Variants in PCDHGA2 observed in about 807,000 individuals in gnomAD.
PCDHGA2 encodes protocadherin gamma-A2.
Under a neutral mutation model 59.2 loss-of-function variants are expected in PCDHGA2, and 40 were observed. That is an observed-to-expected ratio of 0.68 (90% CI 0.52 to 0.88). The LOEUF is 0.88. PCDHGA2 is among the 40% of genes least tolerant of loss of function. The pLI is 0.00. For missense variants in PCDHGA2, 1,226 were observed against 1,204.0 expected (o/e 1.02, Z -0.27); for synonymous variants, 560 against 526.0 (o/e 1.06, Z -0.89).
In PCDHGA2 at chr5:141,393,378, G is replaced by A. The variant is rs1207426335; in HGVS notation, c.2424+51983G>A. On this transcript the variant is annotated intron_variant, in intron 1 of 3. Coordinates refer to ENST00000394576, the MANE Select transcript of PCDHGA2 (RefSeq NM_018915.4). ...GGACGTGCAGACTGGAGACAATGGA[G>A]CCATAAACCCAGAGCTGGTGCTGGA... The A allele has an allele frequency of 1.9e-6, 3 of 1,613,982 alleles. No individual in the cohort carries two copies. The highest frequency in any genetic ancestry group is 2.2e-5 in the East Asian group (1 of 44,866).
intron 1 of PCDHGA2, among the ~76,000 whole-genome samples, chr5:141,446,610 G>A (rs1167777615): frequency 6.6e-6 from 1 of 152,098 alleles, no homozygotes; most frequent in Non-Finnish European, 1.5e-5. Flanking sequence ...CTGAGTAGCT[G>A]GGACTACAGG....
At chr5:141,342,035 A>G (rs940688750) in intron 1 of PCDHGA2, 1 of 152,928 alleles carries the variant, frequency 6.5e-6, no homozygotes, top group Non-Finnish European at 1.5e-5. Context: ...TCTAAGCTAT[A>G]TGCTTCTTGA....
At chr5:141,399,454 G>A in intron 1 of PCDHGA2, 1 of 1,613,992 alleles carries the variant, frequency 6.2e-7, no homozygotes. Flanking sequence ...AGACGTCAAC[G>A]ATAACGCTCC....
chr5:141,399,605 A>G, intron 1 of PCDHGA2: 1 of 1,613,968 alleles, frequency 6.2e-7, no homozygotes, highest in Non-Finnish European at 8.5e-7. Context: ...AGCGACCTAG[A>G]GCCTCTGGCA....
intron 1 of PCDHGA2, chr5:141,414,493 GCT>G: frequency 6.2e-7 from 1 of 1,613,950 alleles, no homozygotes; most frequent in Non-Finnish European, 8.5e-7. Context: ...ATCAACGGAA[GCT>G]CACTTTATGC....
intron 1 of PCDHGA2, among the ~76,000 whole-genome samples, chr5:141,348,143 G>C (rs1206366041): frequency 1.3e-5 from 2 of 152,142 alleles, no homozygotes; most frequent in Admixed American, 1.3e-4. Flanking sequence ...AATCATATGA[G>C]AGTTATCCAA....
Position 141,511,590 on chromosome 5 carries a change from A to C in PCDHGA2, c.*417A>C, listed in dbSNP as rs2099883868. On this transcript the variant is annotated 3_prime_UTR_variant, in exon 4 of 4. Transcript: ENST00000394576. ...AGTAAGGTGGTTGGGGTGTTGAAGT[A>C]CCAAGTAACCTACAAGCCTCCTAGT... The C allele has an allele frequency of 3.7e-6, 1 of 267,790 alleles. No homozygotes were observed. Among genetic ancestry groups the C allele is most frequent in the Admixed American group, 4.8e-5 (1 of 20,946 alleles). The allele number at this position is 267,790 out of a possible 1,614,324, so 16.6% of individuals were successfully genotyped here.
chr5:141,482,135 G>T (rs987110875), intron 1 of PCDHGA2, among the ~76,000 whole-genome samples: 1 of 151,836 alleles, frequency 6.6e-6, no homozygotes, highest in African/African-American at 2.4e-5. Context: ...CATATGGCTG[G>T]CATAAAAAGG....
intron 1 of PCDHGA2, among the ~76,000 whole-genome samples, chr5:141,474,586 A>G (rs149003643): frequency 6.6e-6 from 1 of 152,222 alleles, no homozygotes; most frequent in Non-Finnish European, 1.5e-5. Flanking sequence ...AGTGTTAAAG[A>G]CATGGAAATA....
rs138831045 is a variant in PCDHGA2 at position 141,462,238 on chromosome 5, G to A, written c.2425-32569G>A. Among the ~76,000 whole-genome samples the A allele has an allele frequency of 2.9e-3, 441 of 152,288 alleles. 3 individuals carry two copies. Among genetic ancestry groups the A allele is most frequent in the African/African-American group, 9.9e-3 (412 of 41,566 alleles). On this transcript the variant is annotated intron_variant, in intron 1 of 3. Coordinates refer to ENST00000394576, the MANE Select transcript of PCDHGA2 (RefSeq NM_018915.4). ...GCCTCCCAAAGTGCAGGGATTACAG[G>A]TATGAGCCACCATGACCAGCCTAAA...
chr5:141,413,188 A>C, intron 1 of PCDHGA2: 4 of 1,606,680 alleles, frequency 2.5e-6, no homozygotes, highest in Non-Finnish European at 3.4e-6. Flanking sequence ...GGCCGCTCAA[A>C]GGAATCGCTC....
intron 1 of PCDHGA2, chr5:141,390,391 T>C: frequency 7.1e-7 from 1 of 1,399,002 alleles, no homozygotes; most frequent in Non-Finnish European, 9.8e-7. Flanking sequence ...ATGTCATGGA[T>C]CATTTTAGGA....
intron 1 of PCDHGA2, chr5:141,400,054 C>G: frequency 6.2e-7 from 1 of 1,613,622 alleles, no homozygotes; most frequent in Non-Finnish European, 8.5e-7. Flanking sequence ...GGTTGCTGTG[C>G]GTGATGGTGG....
intron 1 of PCDHGA2, among the ~76,000 whole-genome samples, chr5:141,425,694 A>G (rs1006103007): frequency 6.6e-6 from 1 of 152,240 alleles, no homozygotes; most frequent in Non-Finnish European, 1.5e-5. Context: ...ATATCATTTC[A>G]TAGTGGTCAA....
chr5:141,356,553 T>C (rs987125260), intron 1 of PCDHGA2: 2 of 1,614,138 alleles, frequency 1.2e-6, no homozygotes, highest in Admixed American at 3.3e-5. Context: ...ACCCACCCAC[T>C]TTCCCTCATG....
chr5:141,491,898 G>A lies in PCDHGA2; in HGVS notation c.2425-2909G>A, dbSNP rs772673872. 1.6e-5 allele frequency: 23 copies of A among 1,428,816 alleles called. No homozygotes were observed. The highest frequency in any genetic ancestry group is 3.0e-5 in the South Asian group (2 of 66,966). The allele number at this position is 1,428,816 out of a possible 1,614,324, so 88.5% of individuals were successfully genotyped here. A position where few individuals can be genotyped will look rare whatever the true frequency, so the allele number is the denominator to read the frequency against. ...ATTAAGGGATGGGGCTCCGAGCACC[G>A]GGGGTGGTGGCGACTGTGGGCGAGG... On this transcript the variant is annotated intron_variant, in intron 1 of 3. Coordinates refer to ENST00000394576, the MANE Select transcript of PCDHGA2 (RefSeq NM_018915.4). This position sits in a 1 kb window ranked among gnomAD's most constrained non-coding sequence, Gnocchi z 6.9.
intron 1 of PCDHGA2, among the ~76,000 whole-genome samples, chr5:141,438,614 A>G (rs1208036297): frequency 5.8e-5 from 2 of 34,396 alleles, no homozygotes. Context: ...ATATATATAT[A>G]TATATATATA....
Position 141,415,037 on chromosome 5 carries a change from T to G in PCDHGA2, c.2424+73642T>G, listed in dbSNP as rs775779136. The G allele has an allele frequency of 5.0e-6, 8 of 1,613,384 alleles. No homozygotes were observed. In the Admixed American group the frequency reaches 8.3e-5, roughly 17 times the overall value. ...CTCAAGGCCAGCGAGCCGGGACTCT[T>G]CGCGGTGGGGGAGCACACGGGCGAG... is the stretch of plus-strand genomic sequence containing the variant. On this transcript the variant is annotated intron_variant, in intron 1 of 3. Coordinates refer to ENST00000394576, the MANE Select transcript of PCDHGA2 (RefSeq NM_018915.4).
chr5:141,361,192 T>A, intron 1 of PCDHGA2: 1 of 1,613,978 alleles, frequency 6.2e-7, no homozygotes, highest in Non-Finnish European at 8.5e-7. Flanking sequence ...GACTTCAGTA[T>A]CTACTCCCCT....
Sources: allele counts gnomAD v4.1 joint callset (sites outside exome capture counted in the v4.1 genomes callset), GRCh38; gene constraint gnomAD v4.1.1; non-coding constraint Gnocchi (gnomAD v3.1); transcripts MANE v1.5; gene names NCBI Gene and HGNC (gene_info 2026-07-23, HGNC 2026-07-21).